Variants in ERBB4 observed in about 807,000 individuals in gnomAD.
ERBB4 encodes erb-b2 receptor tyrosine kinase 4.
A neutral mutation model predicts 158.0 loss-of-function variants in ERBB4; 42 were observed. The observed-to-expected ratio is 0.27, with a 90% CI of 0.21 to 0.34. ERBB4 has a LOEUF of 0.34. ERBB4 is among the 10% of genes least tolerant of loss of function. The probability of loss-of-function intolerance (pLI) is 1.00; values close to 1 mark genes in which losing one functional copy is unlikely to be tolerated. For missense variants in ERBB4, 1,333 were observed against 1,624.1 expected (o/e 0.82, Z 3.08); for synonymous variants, 583 against 558.7 (o/e 1.04, Z -0.61).
At chr2:211,974,288 A>C (rs1281563993) in intron 2 of ERBB4, among the ~76,000 whole-genome samples, 2 of 152,128 alleles carry the variant, frequency 1.3e-5, no homozygotes, top group African/African-American at 4.8e-5. Flanking sequence ...CTTTATCTTC[A>C]TAATTCCAGT....
chr2:211,494,184 G>A (rs892112769), intron 20 of ERBB4, among the ~76,000 whole-genome samples: 3 of 152,052 alleles, frequency 2.0e-5, no homozygotes, highest in African/African-American at 7.2e-5. Flanking sequence ...TGTATTTTTA[G>A]TAGAGATAGG....
chr2:212,201,847 A>G (rs2082594922), intron 1 of ERBB4, among the ~76,000 whole-genome samples: 1 of 152,140 alleles, frequency 6.6e-6, no homozygotes, highest in Admixed American at 6.6e-5. Flanking sequence ...TGCCATGACT[A>G]CCATAAGCTT....
chr2:211,508,073 G>A (rs948200232), intron 20 of ERBB4, among the ~76,000 whole-genome samples: 2 of 151,984 alleles, frequency 1.3e-5, no homozygotes, highest in Admixed American at 6.6e-5. Flanking sequence ...CATAGGCATG[G>A]GCAAAGACTT....
chr2:211,750,235 C>T (rs2075092767), intron 5 of ERBB4, among the ~76,000 whole-genome samples: 1 of 152,096 alleles, frequency 6.6e-6, no homozygotes, highest in South Asian at 2.1e-4. Context: ...ACATAGTACC[C>T]TTTCTTTTTT....
intron 1 of ERBB4, among the ~76,000 whole-genome samples, chr2:212,198,248 A>T (rs1325312195): frequency 6.6e-6 from 1 of 152,146 alleles, no homozygotes; most frequent in African/African-American, 2.4e-5. Context: ...CCATTTTTAG[A>T]TGTACAATTC....
At chr2:211,566,763 T>C (rs1311594737) in intron 19 of ERBB4, among the ~76,000 whole-genome samples, 1 of 152,162 alleles carries the variant, frequency 6.6e-6, no homozygotes, top group Non-Finnish European at 1.5e-5. Flanking sequence ...ATATATTTAA[T>C]TGTGTATTAA....
chr2:211,436,958 G>A (rs1210813706), intron 20 of ERBB4, among the ~76,000 whole-genome samples: 3 of 152,170 alleles, frequency 2.0e-5, no homozygotes, highest in African/African-American at 7.2e-5. Flanking sequence ...GTTCAGTGCT[G>A]TAGAATGCTT....
intron 20 of ERBB4, among the ~76,000 whole-genome samples, chr2:211,468,825 T>A (rs902504471): frequency 3.7e-5 from 3 of 81,808 alleles, no homozygotes; most frequent in African/African-American, 1.4e-4. Flanking sequence ...GTAATGTGGA[T>A]CCTGCAGAAG....
intron 2 of ERBB4, among the ~76,000 whole-genome samples, chr2:212,105,782 G>A (rs1265705388): frequency 3.3e-5 from 5 of 152,136 alleles, no homozygotes; most frequent in Non-Finnish European, 5.9e-5. Context: ...ACGTGTTGTG[G>A]GAGGGACCCA....
At chr2:211,921,653 A>C (rs1268569472) in intron 3 of ERBB4, among the ~76,000 whole-genome samples, 1 of 152,054 alleles carries the variant, frequency 6.6e-6, no homozygotes, top group Non-Finnish European at 1.5e-5. Flanking sequence ...TTTTACATAG[A>C]GTGACTGGTT....
chr2:212,004,863 C>A (rs181609545), intron 2 of ERBB4, among the ~76,000 whole-genome samples: 3 of 151,854 alleles, frequency 2.0e-5, no homozygotes, highest in African/African-American at 7.2e-5. Context: ...GTATATATAG[C>A]TTTTGAGATT....
intron 1 of ERBB4, among the ~76,000 whole-genome samples, chr2:212,194,725 TAA>T (rs1196356583): frequency 3.4e-5 from 5 of 144,940 alleles, no homozygotes; most frequent in Admixed American, 2.0e-4. Context: ...TAAAGAAAAA[TAA>T]AAACATATAT....
At chr2:212,366,067 GC>G (rs1346673854) in intron 1 of ERBB4, among the ~76,000 whole-genome samples, 5 of 151,842 alleles carry the variant, frequency 3.3e-5, no homozygotes, top group Non-Finnish European at 7.4e-5. Flanking sequence ...TGGCAGTGAG[GC>G]AAAGAAGACA....
chr2:211,496,325 T>C (rs1318893192), intron 20 of ERBB4, among the ~76,000 whole-genome samples: 1 of 152,010 alleles, frequency 6.6e-6, no homozygotes, highest in Non-Finnish European at 1.5e-5. Context: ...CTATATACAG[T>C]TCCCTACTTG....
At chr2:212,224,733 G>A (rs1177801930) in intron 1 of ERBB4, among the ~76,000 whole-genome samples, 1 of 151,856 alleles carries the variant, frequency 6.6e-6, no homozygotes, top group Non-Finnish European at 1.5e-5. Context: ...AAAAAGTAAG[G>A]AATTTAATGT....
chr2:211,400,928 A>T (rs552819349), intron 25 of ERBB4, among the ~76,000 whole-genome samples: 100 of 152,204 alleles, frequency 6.6e-4, no homozygotes, highest in African/African-American at 2.3e-3. Context: ...ACAAAAATTA[A>T]ATATTTAAAA....
At chr2:211,993,297 A>G (rs1260913788) in intron 2 of ERBB4, among the ~76,000 whole-genome samples, 1 of 152,176 alleles carries the variant, frequency 6.6e-6, no homozygotes, top group East Asian at 1.9e-4. Context: ...CTCACAGCGG[A>G]AAAGCCATGT....
chr2:211,479,049 T>A (rs2065023731), intron 20 of ERBB4, among the ~76,000 whole-genome samples: 1 of 152,170 alleles, frequency 6.6e-6, no homozygotes, highest in Non-Finnish European at 1.5e-5. Context: ...TTGTTCTAGA[T>A]GCTGCCTCTA....
intron 3 of ERBB4, among the ~76,000 whole-genome samples, chr2:211,839,990 A>C (rs1016902326): frequency 6.6e-6 from 1 of 152,150 alleles, no homozygotes; most frequent in South Asian, 2.1e-4. Flanking sequence ...GTCCTGTTAC[A>C]TGGACAGGAT....
Sources: gnomAD v4.1 joint callset for allele counts (sites outside exome capture counted in the v4.1 genomes callset) on GRCh38, gnomAD v4.1.1 for gene constraint, MANE v1.5 for transcripts, NCBI Gene and HGNC (gene_info 2026-07-23, HGNC 2026-07-21) for gene names.